Variants in EYA4 observed in about 807,000 individuals in gnomAD.
EYA4 encodes protein phosphatase EYA4.
Under a neutral mutation model 87.9 loss-of-function variants are expected in EYA4, and 31 were observed. That is an observed-to-expected ratio of 0.35 (90% CI 0.27 to 0.48). The LOEUF (loss-of-function observed/expected upper bound fraction) is 0.48, where lower values mean the gene tolerates loss of function less well. EYA4 is among the 20% of genes least tolerant of loss of function. The probability of loss-of-function intolerance (pLI) is 0.99; values close to 1 mark genes in which losing one functional copy is unlikely to be tolerated. For synonymous variants in EYA4, 263 were observed against 270.6 expected, an observed-to-expected ratio of 0.97 and a Z score of 0.28; for missense variants, 678 against 761.4, an observed-to-expected ratio of 0.89 and a Z score of 1.29.
chr6:133,446,581 A>G, intron 3 of EYA4, 49 bp from the exon 4 acceptor site: 2 of 1,611,012 alleles, frequency 1.2e-6, no homozygotes, highest in East Asian at 4.5e-5. Flanking sequence ...TCTATTAAAA[A>G]ATAACTGCTG....
At chr6:133,331,318 A>G (rs1781941711) in intron 2 of EYA4, among the ~76,000 whole-genome samples, 1 of 152,174 alleles carries the variant, frequency 6.6e-6, no homozygotes, top group Admixed American at 6.6e-5. Context: ...AGGATAATGC[A>G]TAGTAGTGAT....
At chr6:133,361,624 G>C (rs547958854) in intron 2 of EYA4, among the ~76,000 whole-genome samples, 2 of 152,256 alleles carry the variant, frequency 1.3e-5, no homozygotes, top group South Asian at 4.1e-4. Context: ...ATGAGGATGG[G>C]GTCCTGATAG....
intron 3 of EYA4, among the ~76,000 whole-genome samples, chr6:133,411,603 CATAAAATGTATG>C (rs1789243940): frequency 6.6e-6 from 1 of 151,572 alleles, no homozygotes; most frequent in Non-Finnish European, 1.5e-5. Flanking sequence ...ATTTTTGTTT[CATAAAATGTATG>C]ACTCAGTCTA....
chr6:133,309,846 T>G (rs751520605), intron 2 of EYA4, among the ~76,000 whole-genome samples: 38 of 152,162 alleles, frequency 2.5e-4, no homozygotes, highest in Non-Finnish European at 4.7e-4. Flanking sequence ...ATCTTATTCT[T>G]GTGATTATGA....
chr6:133,340,866 A>G (rs544939558), intron 2 of EYA4, among the ~76,000 whole-genome samples: 1 of 152,274 alleles, frequency 6.6e-6, no homozygotes, highest in South Asian at 2.1e-4. Context: ...GAAGAAAGGA[A>G]TCATATCCAG....
intron 2 of EYA4, among the ~76,000 whole-genome samples, chr6:133,348,084 T>C (rs929015058): frequency 1.3e-5 from 2 of 152,108 alleles, no homozygotes; most frequent in Non-Finnish European, 2.9e-5. Context: ...GTTCCTTCCA[T>C]CCTTCAAGCT....
chr6:133,478,647 G>A (rs371982207), intron 11 of EYA4, among the ~76,000 whole-genome samples: 2 of 152,118 alleles, frequency 1.3e-5, no homozygotes, highest in Non-Finnish European at 2.9e-5. Flanking sequence ...TTCTAAAAAG[G>A]CTGTCTTTAT....
intron 3 of EYA4, among the ~76,000 whole-genome samples, chr6:133,426,659 T>C (rs1025599298): frequency 6.6e-6 from 1 of 152,198 alleles, no homozygotes; most frequent in African/African-American, 2.4e-5. Flanking sequence ...TTTTCTATTG[T>C]ATAACACAGT....
At chr6:133,317,233 C>T (rs979156607) in intron 2 of EYA4, among the ~76,000 whole-genome samples, 2 of 152,180 alleles carry the variant, frequency 1.3e-5, no homozygotes, top group Non-Finnish European at 2.9e-5. Context: ...TAGCACAAAC[C>T]TGTAATTACC....
intron 2 of EYA4, among the ~76,000 whole-genome samples, chr6:133,284,915 A>G (rs1164708626): frequency 6.6e-6 from 1 of 152,124 alleles, no homozygotes; most frequent in Non-Finnish European, 1.5e-5. Flanking sequence ...GAGAAAAACC[A>G]AATAAAGCAG....
At chr6:133,240,636 A>C (rs1349922650), upstream of EYA4, 1 of 152,328 alleles carries the variant, frequency 6.6e-6, no homozygotes, top group Non-Finnish European at 1.5e-5. Context: ...ACGGATGCCT[A>C]TACCTGCACC....
intron 13 of EYA4, among the ~76,000 whole-genome samples, chr6:133,497,329 A>G (rs1054369173): frequency 2.0e-5 from 3 of 152,204 alleles, no homozygotes; most frequent in African/African-American, 4.8e-5. Context: ...TTGTGTTTTA[A>G]TTTAAAAAAA....
At chr6:133,450,346 C>T (rs1793309996) in intron 5 of EYA4, among the ~76,000 whole-genome samples, 1 of 152,118 alleles carries the variant, frequency 6.6e-6, no homozygotes, top group Non-Finnish European at 1.5e-5. Context: ...GTTGCATGAT[C>T]TCTTCTGTTA....
intron 2 of EYA4, among the ~76,000 whole-genome samples, chr6:133,298,239 A>G (rs1779093772): frequency 6.6e-6 from 1 of 152,142 alleles, no homozygotes; most frequent in Non-Finnish European, 1.5e-5. Flanking sequence ...CTTTGAGTCT[A>G]TCTTTGCTTT....
chr6:133,408,748 A>G (rs1336727988), intron 3 of EYA4, among the ~76,000 whole-genome samples: 1 of 152,132 alleles, frequency 6.6e-6, no homozygotes, highest in African/African-American at 2.4e-5. Flanking sequence ...GCGACTAAGT[A>G]CTCAGTGAGT....
chr6:133,443,182 A>T (rs963126410), intron 3 of EYA4, among the ~76,000 whole-genome samples: 62 of 152,008 alleles, frequency 4.1e-4, no homozygotes, highest in African/African-American at 1.1e-3. Flanking sequence ...AGAATTTATT[A>T]AAAAAATTGT....
At chr6:133,406,018 C>T (rs1788670679) in intron 3 of EYA4, among the ~76,000 whole-genome samples, 4 of 92,118 alleles carry the variant, frequency 4.3e-5, no homozygotes, top group African/African-American at 9.6e-5. Context: ...TATTATCTAT[C>T]TATCTACCTA....
At position 133,506,139 on chromosome 6, in the gene EYA4, A is replaced by C; in HGVS notation, c.1225A>C (p.Met409Leu). The change falls in exon 14 of 20, where the codon ATG becomes CTG. Residue 409 changes from methionine to leucine, a missense_variant. Physicochemically the swap from Met to Leu is conservative, Grantham distance 15. Transcript: ENST00000355286. ...PPMAVTLGLR[M>L]EEMIFNLADT... Reference sequence around the variant, plus strand: ...CATGGCTGTAACCCTTGGACTCCGCATGGAAGAAATGATTTTTAATCTTGC... The same window carrying C: ...CATGGCTGTAACCCTTGGACTCCGCCTGGAAGAAATGATTTTTAATCTTGC... The C allele has an allele frequency of 1.2e-6, 2 of 1,612,046 alleles. No homozygotes were observed. The highest frequency in any genetic ancestry group is 8.5e-7 in the Non-Finnish European group (1 of 1,178,210).
chr6:133,304,167 C>T (rs1006274376), intron 2 of EYA4, among the ~76,000 whole-genome samples: 1 of 152,066 alleles, frequency 6.6e-6, no homozygotes, highest in African/African-American at 2.4e-5. Flanking sequence ...TTTTTGTGGC[C>T]ATCATTTAGC....
Sources: gnomAD v4.1 joint callset for allele counts (sites outside exome capture counted in the v4.1 genomes callset) on GRCh38, gnomAD v4.1.1 for gene constraint, MANE v1.5 for transcripts, NCBI Gene and HGNC (gene_info 2026-07-23, HGNC 2026-07-21) for gene names.